The following MACROD2 variants were observed in gnomAD, a reference collection of about 807,000 sequenced individuals.
MACROD2 encodes the protein ADP-ribose glycohydrolase MACROD2.
A neutral mutation model predicts 70.4 loss-of-function variants in MACROD2; 36 were observed. The ratio of observed to expected loss-of-function variants is 0.51; its 90% CI spans 0.39 to 0.68. The LOEUF is 0.68. Ranked by LOEUF, MACROD2 falls within the 30% of genes least tolerant of loss-of-function variation. The pLI is 0.00. For missense variants in MACROD2, 496 were observed against 538.4 expected (o/e 0.92, Z 0.78); for synonymous variants, 172 against 178.8 (o/e 0.96, Z 0.30).
At chr20:14,230,159 G>T (rs910698206) in intron 3 of MACROD2, among the ~76,000 whole-genome samples, 7 of 152,090 alleles carry the variant, frequency 4.6e-5, no homozygotes, top group Non-Finnish European at 1.0e-4. Flanking sequence ...TGAAGGTTAG[G>T]GTGGCTGTGG....
At chr20:15,208,128 G>C (rs944212967) in intron 5 of MACROD2, among the ~76,000 whole-genome samples, 4 of 151,508 alleles carry the variant, frequency 2.6e-5, no homozygotes, top group African/African-American at 9.7e-5. Context: ...TTTTCTCCTT[G>C]TTTTCCACTT....
chr20:15,215,622 T>C (rs1172498646), intron 5 of MACROD2, among the ~76,000 whole-genome samples: 1 of 152,054 alleles, frequency 6.6e-6, no homozygotes, highest in Non-Finnish European at 1.5e-5. Context: ...TGAAGGCATA[T>C]GTTAAGTGAA....
At chr20:15,795,787 C>A (rs1291640174) in intron 8 of MACROD2, among the ~76,000 whole-genome samples, 2 of 152,308 alleles carry the variant, frequency 1.3e-5, no homozygotes, top group Middle Eastern at 6.8e-3. Context: ...AATGCCTGGG[C>A]CATCTCTGAG....
rs534610752 is a variant in MACROD2 at position 15,356,156 on chromosome 20, C to T, written c.541-75249C>T. 1.6e-4 allele frequency among the ~76,000 whole-genome samples: 24 copies of T among 152,196 alleles called. No homozygotes were observed. In the East Asian group the frequency reaches 3.7e-3, roughly 23 times the overall value. On this transcript the variant is annotated intron_variant, in intron 6 of 17. Coordinates refer to ENST00000684519, the MANE Select transcript of MACROD2 (RefSeq NM_001351661.2). ...ATATCAGGAGTCACTGGGTTCAAACCTTATCTTCATCATTTGTAACCTTTG... is the reference window on the plus strand; with the variant it reads ...ATATCAGGAGTCACTGGGTTCAAACTTTATCTTCATCATTTGTAACCTTTG...
intron 8 of MACROD2, among the ~76,000 whole-genome samples, chr20:15,719,484 C>T (rs1227649174): frequency 1.3e-5 from 2 of 152,146 alleles, no homozygotes; most frequent in African/African-American, 4.8e-5. Flanking sequence ...TCAATCATCT[C>T]CTCACAGATT....
intron 8 of MACROD2, among the ~76,000 whole-genome samples, chr20:15,561,851 C>T (rs186647971): frequency 6.6e-6 from 1 of 152,150 alleles, no homozygotes; most frequent in East Asian, 2.0e-4. Context: ...ATCTCAGCTA[C>T]TGCAACATCT....
chr20:14,722,930 C>T (rs2071487410), intron 5 of MACROD2, among the ~76,000 whole-genome samples: 1 of 152,158 alleles, frequency 6.6e-6, no homozygotes, highest in Admixed American at 6.5e-5. Flanking sequence ...TAAGAAATGA[C>T]TTGTCAGCTT....
In MACROD2 at chr20:14,261,429, A is replaced by T. The variant is rs533357989; in HGVS notation, c.271+175701A>T. On this transcript the variant is annotated intron_variant, in intron 3 of 17. Coordinates refer to ENST00000684519, the MANE Select transcript of MACROD2 (RefSeq NM_001351661.2). Reference sequence around the variant, plus strand: ...CCTATACTTATTTTGAACTCACTGAAAATATACTTTATATCATCTCTTTTG... The same window carrying T: ...CCTATACTTATTTTGAACTCACTGATAATATACTTTATATCATCTCTTTTG... 5.9e-5 allele frequency among the ~76,000 whole-genome samples: 9 copies of T among 152,316 alleles called. No homozygotes were observed. In the East Asian group the frequency reaches 1.5e-3, roughly 26 times the overall value.
intron 4 of MACROD2, among the ~76,000 whole-genome samples, chr20:14,545,803 G>T (rs931956374): frequency 6.6e-6 from 1 of 152,158 alleles, no homozygotes; most frequent in Non-Finnish European, 1.5e-5. Flanking sequence ...TCTCTGGGAA[G>T]CAGTGAAGGT....
At chr20:15,575,342 G>A (rs999342446) in intron 8 of MACROD2, among the ~76,000 whole-genome samples, 2 of 152,060 alleles carry the variant, frequency 1.3e-5, no homozygotes, top group Non-Finnish European at 2.9e-5. Flanking sequence ...TAAAAGTTGT[G>A]GGTGAAGGAA....
At chr20:15,586,730 A>C (rs910988638) in intron 8 of MACROD2, among the ~76,000 whole-genome samples, 2 of 152,234 alleles carry the variant, frequency 1.3e-5, no homozygotes, top group Non-Finnish European at 2.9e-5. Context: ...TGTACAATAG[A>C]AATGTTCAAT....
chr20:14,980,848 C>T (rs7271394), intron 5 of MACROD2, among the ~76,000 whole-genome samples: 1,839 of 152,156 alleles, frequency 0.012, 36 homozygotes, highest in African/African-American at 0.042. Flanking sequence ...TCTATTGTAC[C>T]TCCTAATCCC....
intron 5 of MACROD2, among the ~76,000 whole-genome samples, chr20:14,703,522 G>C (rs1220954203): frequency 1.3e-5 from 2 of 152,140 alleles, no homozygotes; most frequent in African/African-American, 4.8e-5. Flanking sequence ...TTTCTCTCCA[G>C]CTGTGCTCTA....
At chr20:14,182,538 G>T (rs1331829762) in intron 3 of MACROD2, among the ~76,000 whole-genome samples, 1 of 152,002 alleles carries the variant, frequency 6.6e-6, no homozygotes, top group East Asian at 1.9e-4. Context: ...TTGTATATAA[G>T]AAACTATTGC....
chr20:15,045,205 G>A (rs951621861), intron 5 of MACROD2, among the ~76,000 whole-genome samples: 6 of 152,144 alleles, frequency 3.9e-5, no homozygotes, highest in African/African-American at 9.7e-5. Flanking sequence ...CATCATGGCC[G>A]TCACCCTGCA....
At chr20:14,778,503 A>G (rs1490745935) in intron 5 of MACROD2, among the ~76,000 whole-genome samples, 2 of 152,030 alleles carry the variant, frequency 1.3e-5, no homozygotes, top group African/African-American at 2.4e-5. Context: ...CAAGTTGTCC[A>G]CAGCTCTTCA....
At chr20:14,914,191 T>G (rs1043016678) in intron 5 of MACROD2, among the ~76,000 whole-genome samples, 3 of 152,180 alleles carry the variant, frequency 2.0e-5, no homozygotes, top group South Asian at 2.1e-4. Flanking sequence ...AGGAATTTGC[T>G]GTAATAACTG....
At chr20:14,011,003 G>C (rs1362619087) in intron 2 of MACROD2, among the ~76,000 whole-genome samples, 1 of 152,074 alleles carries the variant, frequency 6.6e-6, no homozygotes, top group African/African-American at 2.4e-5. Flanking sequence ...GTTCTATCAG[G>C]GTTCTCTTTC....
intron 6 of MACROD2, among the ~76,000 whole-genome samples, chr20:15,310,395 G>C (rs911478473): frequency 6.6e-6 from 1 of 151,968 alleles, no homozygotes; most frequent in Non-Finnish European, 1.5e-5. Context: ...AGATTTGCTT[G>C]AAGCTCCAAA....
Sources: gnomAD v4.1 joint callset for allele counts (sites outside exome capture counted in the v4.1 genomes callset) on GRCh38, gnomAD v4.1.1 for gene constraint, MANE v1.5 for transcripts, NCBI Gene and HGNC (gene_info 2026-07-23, HGNC 2026-07-21) for gene names.